NOL7: variants seen among roughly 807,000 people sequenced by gnomAD.
NOL7 encodes the protein U3 small nucleolar RNA-associated protein NOL7.
NOL7 carries 36 observed loss-of-function variants against 38.4 expected under a neutral mutation model. The observed-to-expected ratio is 0.94, with a 90% CI of 0.72 to 1.24. The LOEUF (loss-of-function observed/expected upper bound fraction) is 1.24. Among genes scored for constraint, NOL7 ranks in the 50% most tolerant of loss-of-function variants. NOL7 has a pLI of 0.00. For missense variants in NOL7, 350 were observed against 315.1 expected (o/e 1.11, Z -0.84); for synonymous variants, 142 against 126.5 (o/e 1.12, Z -0.82).
chr6:13,625,596 C>G (rs557473173), downstream of NOL7: 6 of 1,251,518 alleles, frequency 4.8e-6, no homozygotes, highest in Non-Finnish European at 5.8e-6. Context: ...TACAAACACC[C>G]TCTCTTAAAT....
At chr6:13,623,646 T>C (rs1000324763), downstream of NOL7, among the ~76,000 whole-genome samples, 2 of 152,220 alleles carry the variant, frequency 1.3e-5, no homozygotes, top group African/African-American at 4.8e-5. Context: ...CATCTGGCGA[T>C]GCATCTTTAA....
chr6:13,620,393 ACC>A lies in NOL7; in HGVS notation c.623-14_623-13del. 1 of 1,614,016 alleles carries A rather than the reference ACC, an allele frequency of 6.2e-7. No individual in the cohort carries two copies. The highest frequency in any genetic ancestry group is 1.1e-5 in the South Asian group (1 of 91,080). On this transcript the variant is annotated splice_polypyrimidine_tract_variant and intron_variant, in intron 6 of 7. Coordinates refer to ENST00000451315, the MANE Select transcript of NOL7 (RefSeq NM_016167.5). ...CAAATAAAACTGTGAAATGATAAAT[ACC>A]TTTCTTTTCTAGTAAATAAGTTCCT... is the stretch of plus-strand genomic sequence containing the variant.
chr6:13,620,429 C>T lies in NOL7; in HGVS notation c.644C>T (p.Ala215Val). ...RTTVNKFLSL[A>V]NKRLPVKRAA... The stretch of plus-strand genomic sequence containing the variant: ...CTAGTAAATAAGTTCCTGTCTCTTG[C>T]CAACAAGAGGTTACCAGTGAAAAGA... Residue 215 changes from alanine to valine, a missense_variant, in exon 7 of 8, where the codon GCC becomes GTC. Coordinates refer to ENST00000451315, the MANE Select transcript of NOL7 (RefSeq NM_016167.5). 1 of 1,613,946 alleles carries T rather than the reference C, an allele frequency of 6.2e-7. No homozygotes were observed. The highest frequency in any genetic ancestry group is 8.5e-7 in the Non-Finnish European group (1 of 1,179,896).
chr6:13,619,314 A>G (rs1486736043), intron 5 of NOL7, among the ~76,000 whole-genome samples: 1 of 152,218 alleles, frequency 6.6e-6, no homozygotes, highest in Non-Finnish European at 1.5e-5. Context: ...AGTCACAGAG[A>G]AAGTGCCTAT....
At chr6:13,627,617 G>C (rs553730964) in intron 8 of NOL7, among the ~76,000 whole-genome samples, 1 of 116,464 alleles carries the variant, frequency 8.6e-6, no homozygotes, top group Non-Finnish European at 1.7e-5. Context: ...ACGACAGAGA[G>C]AGACTCCATC....
At chr6:13,625,804 T>TC (rs777502754), downstream of NOL7, 47 of 1,356,728 alleles carry the variant, frequency 3.5e-5, no homozygotes, top group Non-Finnish European at 4.2e-6. Context: ...TTCAAATAGT[T>TC]CAACTATTAT....
intron 8 of NOL7, among the ~76,000 whole-genome samples, chr6:13,630,973 C>A (rs574446358): frequency 1.3e-5 from 2 of 152,146 alleles, no homozygotes; most frequent in East Asian, 1.9e-4. Context: ...CCAGGCCCAG[C>A]TACTTTTTTG....
intron 8 of NOL7, among the ~76,000 whole-genome samples, chr6:13,632,010 C>T (rs2127761338): frequency 6.6e-6 from 1 of 152,140 alleles, no homozygotes; most frequent in Non-Finnish European, 1.5e-5. Flanking sequence ...ATCTGCACGC[C>T]CACATTGCTC....
In NOL7 at chr6:13,615,427, GC is replaced by G; in HGVS notation, c.70del (p.Leu24TrpfsTer44). On this transcript the variant is annotated frameshift_variant, in exon 1 of 8. Coordinates refer to ENST00000451315, the MANE Select transcript of NOL7 (RefSeq NM_016167.5). LOFTEE classifies it high-confidence loss of function. ...SAEAMVDEGQLASEEEEAEHG... is the reference protein window; with the variant it reads ...SAEAMVDEGQXASEEEEAEHG... ...CGGAGGCGATGGTGGACGAGGGCCAGCTGGCCTCGGAGGAGGAGGAGGCGGA... is the reference window on the plus strand; with the variant it reads ...CGGAGGCGATGGTGGACGAGGGCCAGTGGCCTCGGAGGAGGAGGAGGCGGA... The G allele has an allele frequency of 6.5e-7, 1 of 1,547,598 alleles. No individual in the cohort carries two copies. Among genetic ancestry groups the G allele is most frequent in the Non-Finnish European group, 8.7e-7 (1 of 1,145,952 alleles).
In NOL7 at chr6:13,620,496, G is replaced by C. The variant is rs750072907; in HGVS notation, c.700+11G>C. The C allele has an allele frequency of 6.2e-7, 1 of 1,609,566 alleles. No individual in the cohort carries two copies. Among genetic ancestry groups the C allele is most frequent in the Non-Finnish European group, 8.5e-7 (1 of 1,176,236 alleles). ...TGAATAATGCTTGGGGTAAGATCCA[G>C]CTTTATTCTCCTGTCTCTAATAGCT... On this transcript the variant is annotated intron_variant, in intron 7 of 7. Coordinates refer to ENST00000451315, the MANE Select transcript of NOL7 (RefSeq NM_016167.5).
downstream of NOL7, chr6:13,625,905 G>A (rs1453486899): frequency 1.8e-6 from 1 of 552,326 alleles, no homozygotes; most frequent in Middle Eastern, 3.1e-4. Flanking sequence ...TCCCAGCACT[G>A]GGACGCTCTA....
At chr6:13,622,839 C>T (rs1194661655), downstream of NOL7, among the ~76,000 whole-genome samples, 1 of 152,180 alleles carries the variant, frequency 6.6e-6, no homozygotes, top group East Asian at 1.9e-4. Flanking sequence ...TCTGGTTGAT[C>T]AAAGTCAGTT....
intron 8 of NOL7, among the ~76,000 whole-genome samples, chr6:13,628,764 G>C (rs1265505147): frequency 6.6e-6 from 1 of 152,218 alleles, no homozygotes; most frequent in Non-Finnish European, 1.5e-5. Flanking sequence ...AACTGGTGAT[G>C]ATAACCAAAG....
At chr6:13,616,600 C>A in intron 3 of NOL7, 79 bp downstream of exon 3, 1 of 964,226 alleles carries the variant, frequency 1.0e-6, no homozygotes, top group South Asian at 1.8e-5. Flanking sequence ...TATTTGAATC[C>A]ATATAACTGA....
At chr6:13,628,167 G>T (rs1429241549) in intron 8 of NOL7, among the ~76,000 whole-genome samples, 1 of 152,200 alleles carries the variant, frequency 6.6e-6, no homozygotes, top group African/African-American at 2.4e-5. Context: ...AACTGAGGCA[G>T]TGAATAGTAA....
intron 8 of NOL7, among the ~76,000 whole-genome samples, chr6:13,626,886 T>G (rs1764621655): frequency 6.6e-6 from 1 of 152,232 alleles, no homozygotes; most frequent in South Asian, 2.1e-4. Flanking sequence ...TTAACTGTAC[T>G]CTTGCCCTTT....
exon 9 of NOL7, chr6:13,632,411 T>C (rs1764814988): frequency 6.2e-7 from 1 of 1,614,040 alleles, no homozygotes; most frequent in East Asian, 2.2e-5. Flanking sequence ...CCACAGTCTC[T>C]CCTTAGCTGT....
At chr6:13,618,189 G>A in intron 5 of NOL7, 50 bp downstream of exon 5, 1 of 701,776 alleles carries the variant, frequency 1.4e-6, no homozygotes. Flanking sequence ...CTTTAAGAGA[G>A]TTAAAGTATT....
chr6:13,625,647 A>G (rs1410509079), downstream of NOL7: 6 of 1,582,090 alleles, frequency 3.8e-6, no homozygotes, highest in Admixed American at 1.7e-5. Flanking sequence ...ATTTGGCTTT[A>G]CTTACCTAAT....
Sources: gnomAD v4.1 joint callset for allele counts (sites outside exome capture counted in the v4.1 genomes callset) on GRCh38, gnomAD v4.1.1 for gene constraint, MANE v1.5 for transcripts, NCBI Gene and HGNC (gene_info 2026-07-23, HGNC 2026-07-21) for gene names.